SLC9A9: variants seen among roughly 807,000 people sequenced by gnomAD.
SLC9A9 encodes the protein sodium/hydrogen exchanger 9.
Under a neutral mutation model 77.8 loss-of-function variants are expected in SLC9A9, and 62 were observed. The ratio of observed to expected loss-of-function variants is 0.80; its 90% CI spans 0.65 to 0.98. The LOEUF (loss-of-function observed/expected upper bound fraction) is 0.98. Ranked by LOEUF, SLC9A9 falls within the 50% of genes least tolerant of loss-of-function variation. The probability of loss-of-function intolerance (pLI) is 0.00; values close to 1 mark genes in which losing one functional copy is unlikely to be tolerated. For synonymous variants in SLC9A9, 320 were observed against 283.5 expected (o/e 1.13, Z -1.29); for missense variants, 775 against 774.9 (o/e 1.00, Z 0.00).
chr3:143,641,540 C>T (rs532050493), intron 6 of SLC9A9, among the ~76,000 whole-genome samples: 2 of 151,834 alleles, frequency 1.3e-5, no homozygotes, highest in African/African-American at 2.4e-5. Flanking sequence ...ACTACAGGTG[C>T]CTGCCACCAT....
rs71629562 is a variant in SLC9A9 at position 143,572,296 on chromosome 3, G to GGTGTGT, written c.1000+1786_1000+1791dup. On this transcript the variant is annotated intron_variant, in intron 8 of 15. Transcript: ENST00000316549. ...CACAAATTGACAATTCTTAGGCAAT[G>GGTGTGT]GTGTGTGTGTGTGTGTGTGTGTGTG... Among the ~76,000 whole-genome samples, 611 of 148,788 alleles carry GGTGTGT rather than the reference G, an allele frequency of 4.1e-3. 2 individuals are homozygous for GGTGTGT. Among genetic ancestry groups the GGTGTGT allele is most frequent in the Middle Eastern group, 0.01 (3 of 290 alleles).
At chr3:143,359,524 A>AG (rs2032682917) in intron 14 of SLC9A9, among the ~76,000 whole-genome samples, 1 of 152,190 alleles carries the variant, frequency 6.6e-6, no homozygotes, top group Admixed American at 6.5e-5. Flanking sequence ...GAGAAGAGCC[A>AG]GTGCAAGGGC....
intron 5 of SLC9A9, among the ~76,000 whole-genome samples, chr3:143,672,804 T>C (rs1365336874): frequency 2.6e-5 from 4 of 152,234 alleles, no homozygotes; most frequent in Non-Finnish European, 4.4e-5. Context: ...CATAAGTCTT[T>C]GAAAAGGCAT....
At chr3:143,405,541 G>T (rs974805963) in intron 12 of SLC9A9, among the ~76,000 whole-genome samples, 3 of 152,204 alleles carry the variant, frequency 2.0e-5, no homozygotes, top group Non-Finnish European at 4.4e-5. Flanking sequence ...AAGCTGAAAA[G>T]GTGGTGATTG....
chr3:143,451,763 T>C (rs2035012215), intron 12 of SLC9A9, among the ~76,000 whole-genome samples: 1 of 152,164 alleles, frequency 6.6e-6, no homozygotes, highest in Admixed American at 6.6e-5. Context: ...TGAACATATA[T>C]GGAGGATATG....
chr3:143,426,586 T>C (rs1237608428), intron 12 of SLC9A9, among the ~76,000 whole-genome samples: 3 of 152,232 alleles, frequency 2.0e-5, no homozygotes, highest in African/African-American at 7.2e-5. Flanking sequence ...CAATTTAGGC[T>C]CATATTCTTA....
At chr3:143,315,759 G>A (rs2031189524) in intron 14 of SLC9A9, among the ~76,000 whole-genome samples, 1 of 152,158 alleles carries the variant, frequency 6.6e-6, no homozygotes, top group African/African-American at 2.4e-5. Context: ...CTCCCACTTG[G>A]GCAGAGTTAA....
intron 11 of SLC9A9, among the ~76,000 whole-genome samples, chr3:143,467,978 A>C (rs2035314042): frequency 6.6e-6 from 1 of 152,228 alleles, no homozygotes; most frequent in Non-Finnish European, 1.5e-5. Flanking sequence ...CTGGATAATC[A>C]TTCAGGTTGC....
intron 4 of SLC9A9, among the ~76,000 whole-genome samples, chr3:143,725,102 T>C (rs1022515116): frequency 1.8e-4 from 27 of 152,184 alleles, no homozygotes; most frequent in Non-Finnish European, 3.4e-4. Flanking sequence ...ATTTCTTCAG[T>C]GTTCATTTTT....
chr3:143,415,613 C>T (rs1196637375), intron 12 of SLC9A9, among the ~76,000 whole-genome samples: 1 of 152,174 alleles, frequency 6.6e-6, no homozygotes, highest in African/African-American at 2.4e-5. Flanking sequence ...AAAAAGATTC[C>T]TTTCAAAACA....
chr3:143,396,964 G>A (rs2108509454), intron 12 of SLC9A9, among the ~76,000 whole-genome samples: 1 of 152,228 alleles, frequency 6.6e-6, no homozygotes, highest in East Asian at 1.9e-4. Context: ...TATGTTCTTT[G>A]AAAAATAAAC....
chr3:143,761,929 A>C (rs1036973300), intron 4 of SLC9A9, among the ~76,000 whole-genome samples: 2 of 152,152 alleles, frequency 1.3e-5, no homozygotes, highest in African/African-American at 4.8e-5. Context: ...TAGCAAAGAC[A>C]TGGAACCAAC....
chr3:143,703,784 T>G (rs1343789936), intron 4 of SLC9A9, among the ~76,000 whole-genome samples: 1 of 152,106 alleles, frequency 6.6e-6, no homozygotes, highest in African/African-American at 2.4e-5. Context: ...GTCAGTTGTT[T>G]TATTTTGTCC....
chr3:143,730,039 CA>C (rs944457542), intron 4 of SLC9A9, among the ~76,000 whole-genome samples: 1 of 152,204 alleles, frequency 6.6e-6, no homozygotes, highest in African/African-American at 2.4e-5. Flanking sequence ...ACTTGTTCTC[CA>C]AACCATATCA....
At chr3:143,627,452 C>G (rs1208041671) in intron 6 of SLC9A9, 3 of 223,710 alleles carry the variant, frequency 1.3e-5, no homozygotes, top group African/African-American at 6.9e-5. Flanking sequence ...AATGTCAGCT[C>G]CGTTTGTGTC....
chr3:143,510,773 T>C (rs753122999), intron 9 of SLC9A9, among the ~76,000 whole-genome samples: 2 of 152,168 alleles, frequency 1.3e-5, no homozygotes, highest in African/African-American at 4.8e-5. Context: ...CATCTTGCTG[T>C]TTTGGCCTGT....
intron 4 of SLC9A9, among the ~76,000 whole-genome samples, chr3:143,786,016 C>A (rs2008046055): frequency 6.6e-6 from 1 of 151,496 alleles, no homozygotes; most frequent in East Asian, 1.9e-4. Flanking sequence ...GCCACCATGC[C>A]CGGCTAATTT....
At chr3:143,311,741 G>T (rs923597010) in intron 14 of SLC9A9, among the ~76,000 whole-genome samples, 19 of 152,140 alleles carry the variant, frequency 1.2e-4, no homozygotes, top group African/African-American at 4.6e-4. Flanking sequence ...GACAAGGGCG[G>T]GGAGAAGAAC....
intron 6 of SLC9A9, among the ~76,000 whole-genome samples, chr3:143,642,825 C>T (rs1465968363): frequency 3.3e-5 from 5 of 152,042 alleles, no homozygotes; most frequent in Non-Finnish European, 7.4e-5. Context: ...TTATGTCATT[C>T]CCTTTAGTTT....
Sources: gnomAD v4.1 joint callset for allele counts (sites outside exome capture counted in the v4.1 genomes callset) on GRCh38, gnomAD v4.1.1 for gene constraint, MANE v1.5 for transcripts, NCBI Gene and HGNC (gene_info 2026-07-23, HGNC 2026-07-21) for gene names.